The following HID1 variants were observed in gnomAD, a reference collection of about 807,000 sequenced individuals.
HID1 encodes the protein protein HID1.
A neutral mutation model predicts 89.7 loss-of-function variants in HID1; 42 were observed. That is an observed-to-expected ratio of 0.47 (90% confidence interval 0.37 to 0.61). The LOEUF is 0.61. HID1 is among the 20% of genes least tolerant of loss of function. The probability of loss-of-function intolerance (pLI) is 0.00; values close to 1 mark genes in which losing one functional copy is unlikely to be tolerated. For missense variants in HID1, 854 were observed against 1,039.3 expected, an observed-to-expected ratio of 0.82 and a Z score of 2.45; for synonymous variants, 442 against 433.8, an observed-to-expected ratio of 1.02 and a Z score of -0.24.
intron 1 of HID1, among the ~76,000 whole-genome samples, chr17:74,969,387 C>T (rs996956106): frequency 2.6e-5 from 4 of 151,924 alleles, no homozygotes; most frequent in Admixed American, 2.6e-4. Context: ...GGGGTTTCAC[C>T]ATGTTAGCCG....
chr17:74,963,925 A>G lies in HID1; in HGVS notation c.217-15T>C, dbSNP rs2039523430. 1.2e-6 allele frequency: 2 copies of G among 1,613,434 alleles called. No homozygotes were observed. Among genetic ancestry groups the G allele is most frequent in the East Asian group, 2.2e-5 (1 of 44,876 alleles). ...TTCTCAACGGCCTGTGGGGGCAGGC[A>G]GGAGCAGAGGGCAGGCTGGAAGGTG... On this transcript the variant is annotated splice_polypyrimidine_tract_variant and intron_variant, in intron 2 of 18. Transcript: ENST00000425042.
In HID1 at chr17:74,959,949, A is replaced by G. The variant is rs780393216; in HGVS notation, c.952-12T>C. The G allele has an allele frequency of 6.2e-7, 1 of 1,613,688 alleles. No homozygotes were observed. The highest frequency in any genetic ancestry group is 1.7e-5 in the Admixed American group (1 of 60,020). On this transcript the variant is annotated splice_polypyrimidine_tract_variant and intron_variant, in intron 7 of 18. Coordinates refer to ENST00000425042, the MANE Select transcript of HID1 (RefSeq NM_030630.3). This position sits in a 1 kb window ranked among gnomAD's most constrained non-coding sequence, Gnocchi z 4.6. The stretch of plus-strand genomic sequence containing the variant: ...TCAGGGCCTGGAGGCTGCCAAGAGG[A>G]GAAGCCCCTGGTGAGCAGGCGTCCT...
At position 74,954,289 on chromosome 17, in the gene HID1, C is replaced by T. The variant is rs371979304; in HGVS notation, c.1713G>A (p.Pro571=). The change falls in exon 14 of 19, where the codon CCG becomes CCA. Residue 571 remains proline (P), a synonymous_variant. Coordinates refer to ENST00000425042, the MANE Select transcript of HID1 (RefSeq NM_030630.3). The part of the protein sequence containing the change: ...FHQLANLPTD[P]PTIHKALQRR... ...GCTGCAGGGCCTTGTGAATGGTGGG[C>T]GGGTCCGTGGGCAGGTTGGCCAGCT... The T allele has an allele frequency of 2.5e-5, 39 of 1,587,268 alleles. No individual in the cohort carries two copies. In the East Asian group the frequency reaches 7.3e-4, roughly 30 times the overall value.
In HID1 at chr17:74,959,832, A is replaced by G; in HGVS notation, c.1008+49T>C. On this transcript the variant is annotated intron_variant, in intron 8 of 18. Transcript: ENST00000425042. This position sits in a 1 kb window ranked among gnomAD's most constrained non-coding sequence, Gnocchi z 4.6. ...TCAGGATCCCCCATATCCCTGTCTC[A>G]CTTGCATCCCCCTGCACCCTGCAAA... is the stretch of plus-strand genomic sequence containing the variant. 2 of 1,589,808 alleles carry G rather than the reference A, an allele frequency of 1.3e-6. No homozygotes were observed.
chr17:74,953,071 A>G lies in HID1; in HGVS notation c.1987T>C (p.Trp663Arg), dbSNP rs1343236595. 22 of 1,606,822 alleles carry G rather than the reference A, an allele frequency of 1.4e-5. No homozygotes were observed. Among genetic ancestry groups the G allele is most frequent in the Non-Finnish European group, 1.8e-5 (21 of 1,177,618 alleles). ...SPAKGEPSQA[W>R]REQRRPSTSS... ...GTGGACGGTCGCCGCTGCTCCCTCC[A>G]TGCCTGGCTGGGCTCCTGGCCCCCA... is the stretch of plus-strand genomic sequence containing the variant. Residue 663 changes from tryptophan (W) to arginine (R), a missense_variant, in exon 16 of 19, where the codon TGG becomes CGG. Transcript: ENST00000425042.
intron 15 of HID1, 97 bp downstream of exon 15, chr17:74,953,448 G>A (rs2039337675): frequency 1.1e-6 from 1 of 927,880 alleles, no homozygotes; most frequent in African/African-American, 1.6e-5. Context: ...CTCTGCTGCA[G>A]GTGACCCCAG....
intron 16 of HID1, 24 bp from the exon 17 acceptor site, chr17:74,952,384 G>A: frequency 1.3e-6 from 2 of 1,597,184 alleles, no homozygotes; most frequent in South Asian, 1.1e-5. Context: ...GGGTTCCTGG[G>A]GCTGAGAAAG....
In HID1 at chr17:74,958,320, CCCT is replaced by C. The variant is rs1567960045; in HGVS notation, c.1392+4_1392+6del. On this transcript the variant is annotated splice_donor_5th_base_variant and intron_variant, in intron 11 of 18. Transcript: ENST00000425042. This position sits in a 1 kb window ranked among gnomAD's most constrained non-coding sequence, Gnocchi z 5.2. The stretch of plus-strand genomic sequence containing the variant: ...CCTCCTGGGCCCGGCCGCACGAGCC[CCCT>C]CACCACAATGAGCAGGTCGGCGTGG... 1 of 1,612,906 alleles carries C rather than the reference CCCT, an allele frequency of 6.2e-7. No individual in the cohort carries two copies. The highest frequency in any genetic ancestry group is 8.5e-7 in the Non-Finnish European group (1 of 1,179,568).
At chr17:74,963,179 C>T (rs913386660) in intron 3 of HID1, 98 bp from the exon 4 acceptor site, 55 of 852,260 alleles carry the variant, frequency 6.5e-5, no homozygotes, top group East Asian at 4.2e-4. Flanking sequence ...TGAGCCCAGG[C>T]GGGCACCCAT....
Position 74,963,096 on chromosome 17 carries a change from C to T in HID1, c.388-15G>A. On this transcript the variant is annotated splice_polypyrimidine_tract_variant and intron_variant, in intron 3 of 18. Coordinates refer to ENST00000425042, the MANE Select transcript of HID1 (RefSeq NM_030630.3). ...TCTTCTCCCTGCTGGGGACACAGCA[C>T]CCACAGGCTGCCTCAGTGATAGCTG... The T allele has an allele frequency of 6.4e-7, 1 of 1,557,832 alleles. No individual in the cohort carries two copies. The highest frequency in any genetic ancestry group is 8.8e-7 in the Non-Finnish European group (1 of 1,140,432).
rs762375120 is a variant in HID1 at position 74,953,029 on chromosome 17, G to A, written c.2029C>T (p.Gln677Ter). The change falls in exon 16 of 19, where the codon CAG becomes TAG. Residue 677 changes from glutamine to a stop codon, truncating the protein, a stop_gained. Transcript: ENST00000425042. LOFTEE classifies it high-confidence loss of function. ...ACCCACTCTGGCGTTGGGCTCCACT[G>A]CCCACTGGCTGATGAGGTGGACGGT... The part of the protein sequence containing the change: ...RRPSTSSASG[Q>*]WSPTPEWVLS... The A allele has an allele frequency of 6.2e-7, 1 of 1,608,884 alleles. No individual in the cohort carries two copies. Among genetic ancestry groups the A allele is most frequent in the Admixed American group, 1.7e-5 (1 of 59,528 alleles).
chr17:74,970,534 C>G (rs2039630666), intron 1 of HID1, among the ~76,000 whole-genome samples: 1 of 152,166 alleles, frequency 6.6e-6, no homozygotes, highest in Non-Finnish European at 1.5e-5. Context: ...TGAGGAAGCA[C>G]CAGGAAACAC....
At chr17:74,965,014 C>T (rs2039541091) in intron 1 of HID1, among the ~76,000 whole-genome samples, 2 of 152,266 alleles carry the variant, frequency 1.3e-5, no homozygotes, top group Admixed American at 6.5e-5. Flanking sequence ...AGGTCAAGAC[C>T]ATGCCCTCTC....
Position 74,958,364 on chromosome 17 carries a change from G to A in HID1, c.1355C>T (p.Pro452Leu). 1.9e-6 allele frequency: 3 copies of A among 1,613,250 alleles called. No individual in the cohort carries two copies. Among genetic ancestry groups the A allele is most frequent in the African/African-American group, 1.3e-5 (1 of 75,046 alleles). ...PYSIRVPMDI[P>L]VFTGTHADLL... ...GTCGGCGTGGGTCCCTGTGAAGACT[G>A]GGATGTCCATGGGCACGCGGATTGA... Residue 452 changes from proline (P) to leucine (L), a missense_variant, in exon 11 of 19, where the codon CCA (proline) becomes CTA (leucine). By Grantham distance (98) the Pro-to-Leu change is moderately conservative. Coordinates refer to ENST00000425042, the MANE Select transcript of HID1 (RefSeq NM_030630.3). This position sits in a 1 kb window ranked among gnomAD's most constrained non-coding sequence, Gnocchi z 5.2.
chr17:74,961,919 C>A lies in HID1; in HGVS notation c.682G>T (p.Gly228Cys). 6.2e-7 allele frequency: 1 copy of A among 1,603,744 alleles called. No homozygotes were observed. The highest frequency in any genetic ancestry group is 1.3e-5 in the African/African-American group (1 of 74,484). ...AACTGAACCCATGGGTTGGTGCTGC[C>A]ACTTTCCGGAGCTGGGGGCAGGTAC... ...AMYLPPAPES[G>C]STNPWVQFFC... is the part of the protein sequence containing the mutation. The change falls in exon 6 of 19, where the codon GGC (glycine) becomes TGC (cysteine). Residue 228 changes from glycine to cysteine, a missense_variant. Physicochemically the swap from Gly to Cys is radical, Grantham distance 159 (BLOSUM62 -3). Transcript: ENST00000425042.
At chr17:74,965,625 A>T (rs1283658345) in intron 1 of HID1, among the ~76,000 whole-genome samples, 4 of 152,142 alleles carry the variant, frequency 2.6e-5, no homozygotes, top group Non-Finnish European at 5.9e-5. Flanking sequence ...GGCCTTAAAA[A>T]CACACATGCC....
chr17:74,962,378 G>T lies in HID1; in HGVS notation c.505-38C>A. On this transcript the variant is annotated intron_variant, in intron 4 of 18. Coordinates refer to ENST00000425042, the MANE Select transcript of HID1 (RefSeq NM_030630.3). This position sits in a 1 kb window ranked among gnomAD's most constrained non-coding sequence, Gnocchi z 4.3. Reference sequence around the variant, plus strand: ...CAGGAAGAAGCCGGGTTAGGGGGTCGAGAGGTGAACAGCAGCCTGGGTCAG... The same window carrying T: ...CAGGAAGAAGCCGGGTTAGGGGGTCTAGAGGTGAACAGCAGCCTGGGTCAG... 1 of 1,460,720 alleles carries T rather than the reference G, an allele frequency of 6.8e-7. No homozygotes were observed. Among genetic ancestry groups the T allele is most frequent in the Non-Finnish European group, 9.5e-7 (1 of 1,050,744 alleles). The allele number at this position is 1,460,720 out of a possible 1,614,324, so 90.5% of individuals were successfully genotyped here.
In HID1 at chr17:74,963,779, G is replaced by A; in HGVS notation, c.348C>T (p.Gly116=). ...PYIFEDPDWR[G]FFWSTVPGAG... is the part of the protein sequence containing the mutation. ...CCCCGGGCACTGTGGACCAGAAGAA[G>A]CCCCTCCAGTCGGGGTCCTCAAAGA... Residue 116 remains glycine, a synonymous_variant, in exon 3 of 19, where the codon GGC becomes GGT. Transcript: ENST00000425042. The A allele has an allele frequency of 6.2e-7, 1 of 1,613,714 alleles. No individual in the cohort carries two copies. The highest frequency in any genetic ancestry group is 8.5e-7 in the Non-Finnish European group (1 of 1,179,840).
rs749356024 is a variant in HID1, at chr17:74,955,940, C to T, written c.1488G>A (p.Lys496=). The T allele has an allele frequency of 6.2e-7, 1 of 1,613,960 alleles. No homozygotes were observed. The highest frequency in any genetic ancestry group is 1.1e-5 in the South Asian group (1 of 91,070). The part of the protein sequence containing the change: ...TIVVNVSPYL[K]SLSMVTANKL... Reference sequence around the variant, plus strand: ...TGTTGGCAGTCACCATGGACAGGCTCTTGAGGTAGGGGGACACTGTAAGGG... The same window carrying T: ...TGTTGGCAGTCACCATGGACAGGCTTTTGAGGTAGGGGGACACTGTAAGGG... Residue 496 remains lysine, a synonymous_variant, in exon 13 of 19, where the codon AAG becomes AAA. Coordinates refer to ENST00000425042, the MANE Select transcript of HID1 (RefSeq NM_030630.3).
Sources: gnomAD v4.1 joint callset for allele counts (sites outside exome capture counted in the v4.1 genomes callset) on GRCh38, gnomAD v4.1.1 for gene constraint, Gnocchi (gnomAD v3.1) non-coding constraint, MANE v1.5 for transcripts, NCBI Gene and HGNC (gene_info 2026-07-23, HGNC 2026-07-21) for gene names.